ZNF207: variants seen among roughly 807,000 people sequenced by gnomAD.
ZNF207 encodes the protein zinc finger protein 207.
In ZNF207, 24 loss-of-function variants were observed where a neutral mutation model predicts 60.2. That is an observed-to-expected ratio of 0.40 (90% confidence interval 0.29 to 0.56). ZNF207 has a LOEUF of 0.56. Among genes scored for constraint, ZNF207 ranks in the 20% least tolerant of loss-of-function variants. The probability of loss-of-function intolerance (pLI) is 0.49; values close to 1 mark genes in which losing one functional copy is unlikely to be tolerated. For missense variants in ZNF207, 452 were observed against 636.6 expected (o/e 0.71, Z 3.12); for synonymous variants, 236 against 194.7 (o/e 1.21, Z -1.77).
Position 32,370,556 on chromosome 17 carries a change from A to G in ZNF207, c.*797A>G, listed in dbSNP as rs1905422146. ...TGTATGTTAATGTTTCAGTTAAGAG[A>G]AAAACTTAAGATACATGAGTCATTA... On this transcript the variant is annotated 3_prime_UTR_variant, in exon 12 of 12. Transcript: ENST00000394670. 6.6e-6 allele frequency: 1 copy of G among 152,264 alleles called. No homozygotes were observed. The highest frequency in any genetic ancestry group is 1.5e-5 in the Non-Finnish European group (1 of 68,048). 9.4% of individuals were successfully genotyped at this position (152,264 alleles called of 1,614,324 possible). A position where few individuals can be genotyped will look rare whatever the true frequency, so the allele number is the denominator to read the frequency against.
rs1187715056 is a variant in ZNF207 at position 32,371,177 on chromosome 17, A to C, written c.*1418A>C. On this transcript the variant is annotated 3_prime_UTR_variant, in exon 12 of 12. Transcript: ENST00000394670. ...TTTTATGATTTTTTAGGCATCAAATAACCTATGCAAAGTATTAATATAATG... is the reference window on the plus strand; with the variant it reads ...TTTTATGATTTTTTAGGCATCAAATCACCTATGCAAAGTATTAATATAATG... The C allele has an allele frequency of 6.6e-6, 1 of 152,166 alleles. No homozygotes were observed. Among genetic ancestry groups the C allele is most frequent in the African/African-American group, 2.4e-5 (1 of 41,458 alleles). 9.4% of individuals were successfully genotyped at this position (152,166 alleles called of 1,614,324 possible).
At chr17:32,353,174 A>G (rs764316044) in intron 2 of ZNF207, among the ~76,000 whole-genome samples, 4 of 152,106 alleles carry the variant, frequency 2.6e-5, no homozygotes, top group Non-Finnish European at 4.4e-5. Context: ...ACTCTGTCTC[A>G]ATAATAATAA....
At chr17:32,359,292 T>C (rs1284789142) in intron 3 of ZNF207, among the ~76,000 whole-genome samples, 1 of 152,050 alleles carries the variant, frequency 6.6e-6, no homozygotes, top group Non-Finnish European at 1.5e-5. Flanking sequence ...TTTGTGTTTT[T>C]AGTAGAGACA....
chr17:32,360,560 G>A, intron 3 of ZNF207, 38 bp from the exon 4 acceptor site: 1 of 1,552,690 alleles, frequency 6.4e-7, no homozygotes. Context: ...AACTTTCTTA[G>A]TTTTTACTCT....
At chr17:32,351,365 A>T in intron 1 of ZNF207, 1 of 933,608 alleles carries the variant, frequency 1.1e-6, no homozygotes, top group East Asian at 5.8e-5. Flanking sequence ...AATATTGCTA[A>T]ATTCCTAATC....
At chr17:32,363,529 CTTTTTTTTTT>C (rs746944466) in intron 7 of ZNF207, among the ~76,000 whole-genome samples, 36 of 69,566 alleles carry the variant, frequency 5.2e-4, no homozygotes, top group Admixed American at 3.8e-4. Flanking sequence ...ATCCAACAAA[CTTTTTTTTTT>C]TTTTTTTTTT....
At chr17:32,355,134 C>T (rs762172388) in intron 2 of ZNF207, among the ~76,000 whole-genome samples, 4 of 152,120 alleles carry the variant, frequency 2.6e-5, no homozygotes, top group East Asian at 3.9e-4. Context: ...CGGTGGCTCA[C>T]GCCTGTAATC....
In ZNF207 at chr17:32,378,629, C is replaced by G. The variant is rs1000097005; in HGVS notation, c.*8870C>G. The G allele has an allele frequency of 6.6e-6, 1 of 151,814 alleles. No homozygotes were observed. The highest frequency in any genetic ancestry group is 1.5e-5 in the Non-Finnish European group (1 of 67,864). The allele number at this position is 151,814 out of a possible 1,614,324, so 9.4% of individuals were successfully genotyped here. On this transcript the variant is annotated 3_prime_UTR_variant, in exon 12 of 12. Transcript: ENST00000394670. Reference sequence around the variant, plus strand: ...ACTCATCAAGAAATGTAGCTAGATTCTTTATGTAACACTTTTGAGGGGCAG... The same window carrying G: ...ACTCATCAAGAAATGTAGCTAGATTGTTTATGTAACACTTTTGAGGGGCAG...
At chr17:32,367,267 A>ATATG (rs1905232906) in intron 9 of ZNF207, among the ~76,000 whole-genome samples, 1 of 117,848 alleles carries the variant, frequency 8.5e-6, no homozygotes, top group South Asian at 2.5e-4. Context: ...ATATATATAT[A>ATATG]TATATATATA....
chr17:32,358,863 C>T (rs1025416438), intron 3 of ZNF207, among the ~76,000 whole-genome samples: 1 of 151,818 alleles, frequency 6.6e-6, no homozygotes, highest in African/African-American at 2.4e-5. Flanking sequence ...AGCATGATCT[C>T]GGCTCATTGC....
In ZNF207 at chr17:32,363,529, C is replaced by CTTTTTTTTTTTTTTTTTTTT. The variant is rs746944466; in HGVS notation, c.670+554_670+573dup. 2.0e-4 allele frequency among the ~76,000 whole-genome samples: 14 copies of CTTTTTTTTTTTTTTTTTTTT among 69,612 alleles called. 4 individuals are homozygous for CTTTTTTTTTTTTTTTTTTTT. The highest frequency in any genetic ancestry group is 2.7e-4 in the African/African-American group (5 of 18,484). 45.7% of individuals were successfully genotyped at this position (69,612 alleles called of 152,430 possible). ...ACAAGTAATAGAGAAATCCAACAAACTTTTTTTTTTTTTTTTTTTTTTTTT... is the reference window on the plus strand; with the variant it reads ...ACAAGTAATAGAGAAATCCAACAAACTTTTTTTTTTTTTTTTTTTTTTTTTTTTTTTTTTTTTTTTTTTTT... On this transcript the variant is annotated intron_variant, in intron 7 of 11. Transcript: ENST00000394670.
chr17:32,374,685 TG>T lies in ZNF207; in HGVS notation c.*4931del, dbSNP rs1187078440. Reference sequence around the variant, plus strand: ...GTGTCTATGTGTGTGCTTGTGTATGTGGGGGTATAGACCATATAGTTGATAT... The same window carrying T: ...GTGTCTATGTGTGTGCTTGTGTATGTGGGGTATAGACCATATAGTTGATAT... On this transcript the variant is annotated 3_prime_UTR_variant, in exon 12 of 12. Transcript: ENST00000394670. 1 of 152,174 alleles carries T rather than the reference TG, an allele frequency of 6.6e-6. No homozygotes were observed. The highest frequency in any genetic ancestry group is 1.5e-5 in the Non-Finnish European group (1 of 68,024). 9.4% of individuals were successfully genotyped at this position (152,174 alleles called of 1,614,324 possible). A position where few individuals can be genotyped will look rare whatever the true frequency, so the allele number is the denominator to read the frequency against.
At position 32,370,539 on chromosome 17, in the gene ZNF207, A is replaced by G. The variant is rs962915606; in HGVS notation, c.*780A>G. On this transcript the variant is annotated 3_prime_UTR_variant, in exon 12 of 12. Coordinates refer to ENST00000394670, the MANE Select transcript of ZNF207 (RefSeq NM_001098507.2). ...CTGAATTTGCATAGAGTTGTATGTT[A>G]ATGTTTCAGTTAAGAGAAAAACTTA... 6.6e-6 allele frequency: 1 copy of G among 152,234 alleles called. No homozygotes were observed. The highest frequency in any genetic ancestry group is 1.5e-5 in the Non-Finnish European group (1 of 68,046). 9.4% of individuals were successfully genotyped at this position (152,234 alleles called of 1,614,324 possible).
In ZNF207 at chr17:32,373,918, C is replaced by T. The variant is rs117244971; in HGVS notation, c.*4159C>T. ...GAAATGTGCCTTCTCTTTTTTGAGA[C>T]GGAGTTTCACTCTTATCACCCAGGA... On this transcript the variant is annotated 3_prime_UTR_variant, in exon 12 of 12. Coordinates refer to ENST00000394670, the MANE Select transcript of ZNF207 (RefSeq NM_001098507.2). 2,465 of 152,364 alleles carry T rather than the reference C, an allele frequency of 0.016. 30 individuals are homozygous for T. Among genetic ancestry groups the T allele is most frequent in the Non-Finnish European group, 0.029 (1,960 of 68,092 alleles). 9.4% of individuals were successfully genotyped at this position (152,364 alleles called of 1,614,324 possible). A position where few individuals can be genotyped will look rare whatever the true frequency, so the allele number is the denominator to read the frequency against.
At chr17:32,362,089 CTTTAA>C (rs1904913495) in intron 6 of ZNF207, among the ~76,000 whole-genome samples, 1 of 149,312 alleles carries the variant, frequency 6.7e-6, no homozygotes, top group African/African-American at 2.5e-5. Context: ...TTTTGAGTGT[CTTTAA>C]TTTTGGTGGT....
chr17:32,367,540 T>G (rs573971663), intron 9 of ZNF207, among the ~76,000 whole-genome samples: 1 of 151,970 alleles, frequency 6.6e-6, no homozygotes, highest in African/African-American at 2.4e-5. Context: ...AAGTTAAATA[T>G]GCAGTCTTAT....
At chr17:32,358,012 C>T (rs1317081435) in intron 2 of ZNF207, among the ~76,000 whole-genome samples, 2 of 152,094 alleles carry the variant, frequency 1.3e-5, no homozygotes, top group Admixed American at 6.6e-5. Flanking sequence ...AACTCCTGAC[C>T]TCAGGTGATC....
chr17:32,369,703 C>A lies in ZNF207; in HGVS notation c.1429C>A (p.Pro477Thr). 6.3e-7 allele frequency: 1 copy of A among 1,593,230 alleles called. No homozygotes were observed. The highest frequency in any genetic ancestry group is 8.5e-7 in the Non-Finnish European group (1 of 1,170,966). ...PMVPPYQGGPPRPPMGMRPPV... is the reference protein window; with the variant it reads ...PMVPPYQGGPTRPPMGMRPPV... Reference sequence around the variant, plus strand: ...GGTGCCCCCTTACCAGGGTGGGCCTCCTCGACCTCCGATGGGAATGAGACC... The same window carrying A: ...GGTGCCCCCTTACCAGGGTGGGCCTACTCGACCTCCGATGGGAATGAGACC... Residue 477 changes from proline to threonine, a missense_variant, in exon 12 of 12, where the codon CCT (proline) becomes ACT (threonine). Pro to Thr is a conservative substitution (Grantham distance 38). This residue lies in a region of ZNF207 where 390 missense variants were observed against 461.4 expected (regional missense o/e 0.85). Transcript: ENST00000394670.
intron 3 of ZNF207, 36 bp downstream of exon 3, chr17:32,358,677 T>A: frequency 7.5e-7 from 1 of 1,335,736 alleles, no homozygotes; most frequent in Non-Finnish European, 9.6e-7. Context: ...TATTTATTTA[T>A]TTTTTTTAAT....
Sources: gnomAD v4.1 joint callset for allele counts (sites outside exome capture counted in the v4.1 genomes callset) on GRCh38, gnomAD v4.1.1 for gene constraint, gnomAD v4.1.1 regional missense constraint, MANE v1.5 for transcripts, NCBI Gene and HGNC (gene_info 2026-07-23, HGNC 2026-07-21) for gene names.